The following LRP2 variants were observed in gnomAD, a reference collection of about 807,000 sequenced individuals.
LRP2 encodes low-density lipoprotein receptor-related protein 2.
Under a neutral mutation model 531.0 loss-of-function variants are expected in LRP2, and 172 were observed. The ratio of observed to expected loss-of-function variants is 0.32; its 90% CI spans 0.29 to 0.37. The LOEUF is 0.37. Ranked by LOEUF, LRP2 falls within the 10% of genes least tolerant of loss-of-function variation. The pLI, the probability that LRP2 is intolerant of heterozygous loss-of-function variation, is 1.00. For synonymous variants in LRP2, 1,992 were observed against 2,027.6 expected (o/e 0.98, Z 0.47); for missense variants, 5,167 against 5,868.3 (o/e 0.88, Z 3.90).
At chr2:169,136,094 T>G (rs1685496753) in intron 76 of LRP2, among the ~76,000 whole-genome samples, 4 of 150,436 alleles carry the variant, frequency 2.7e-5, no homozygotes, top group Non-Finnish European at 5.9e-5. Flanking sequence ...GTTTTTCTCC[T>G]TCTCTTATTC....
rs576173267 is a variant in LRP2, at chr2:169,144,373, TCCCCAC to T, written c.12988+1368_12988+1373del. Among the ~76,000 whole-genome samples, 698 of 134,048 alleles carry T rather than the reference TCCCCAC, an allele frequency of 5.2e-3. 6 individuals are homozygous for T. The highest frequency in any genetic ancestry group is 0.017 in the African/African-American group (587 of 35,432). 87.9% of individuals were successfully genotyped at this position (134,048 alleles called of 152,430 possible). ...GGCTGGGCTGGGGCTGTACTCCCCATCCCCACCCCCACCCCCACCCCCACTCCACCA... is the reference window on the plus strand; with the variant it reads ...GGCTGGGCTGGGGCTGTACTCCCCATCCCCACCCCCACCCCCACTCCACCA... On this transcript the variant is annotated intron_variant, in intron 70 of 78. Coordinates refer to ENST00000649046, the MANE Select transcript of LRP2 (RefSeq NM_004525.3).
At chr2:169,243,119 T>A (rs771373643) in intron 23 of LRP2, 47 bp from the exon 24 acceptor site, 1 of 1,413,674 alleles carries the variant, frequency 7.1e-7, no homozygotes, top group South Asian at 1.2e-5. Flanking sequence ...AGGGCTAAAA[T>A]GACTAAACAC....
At chr2:169,237,833 G>A (rs761233314) in intron 27 of LRP2, among the ~76,000 whole-genome samples, 1 of 152,136 alleles carries the variant, frequency 6.6e-6, no homozygotes, top group Non-Finnish European at 1.5e-5. Flanking sequence ...AAAAGGAACC[G>A]TAAAGACATT....
chr2:169,335,582 T>C (rs1685381063), intron 1 of LRP2, among the ~76,000 whole-genome samples: 1 of 151,450 alleles, frequency 6.6e-6, no homozygotes, highest in Non-Finnish European at 1.5e-5. Context: ...TGGGAGGCCA[T>C]AGCAGGAGGA....
Position 169,239,525 on chromosome 2 carries a change from A to G in LRP2, c.4294+2T>C. ...ACTGGCTCGGGTTAGTTCAGCAATT[A>G]CCTGTAACTTTGCAAGTCCTCCCAT... On this transcript the variant is annotated splice_donor_variant, in intron 26 of 78. Coordinates refer to ENST00000649046, the MANE Select transcript of LRP2 (RefSeq NM_004525.3). LOFTEE classifies it high-confidence loss of function. The G allele has an allele frequency of 6.2e-7, 1 of 1,614,050 alleles. No individual in the cohort carries two copies. The highest frequency in any genetic ancestry group is 8.5e-7 in the Non-Finnish European group (1 of 1,179,898).
At chr2:169,296,741 T>C (rs947666048) in intron 4 of LRP2, among the ~76,000 whole-genome samples, 2 of 152,120 alleles carry the variant, frequency 1.3e-5, no homozygotes, top group South Asian at 2.1e-4. Context: ...TTCTTCATCC[T>C]GCTTTTTGAG....
intron 1 of LRP2, among the ~76,000 whole-genome samples, chr2:169,321,611 A>G (rs1415656452): frequency 6.6e-6 from 1 of 152,202 alleles, no homozygotes; most frequent in East Asian, 1.9e-4. Flanking sequence ...TAAATCATAT[A>G]TAGCAAGTTA....
chr2:169,241,519 T>TC (rs1689805478), intron 24 of LRP2, among the ~76,000 whole-genome samples, 154 bp from the exon 25 acceptor site: 1 of 152,180 alleles, frequency 6.6e-6, no homozygotes, highest in African/African-American at 2.4e-5. Context: ...TATAGAGTCT[T>TC]CTCCCACACT....
chr2:169,317,117 G>A lies in LRP2; in HGVS notation c.310+1645C>T, dbSNP rs183046030. Among the ~76,000 whole-genome samples the A allele has an allele frequency of 5.6e-4, 86 of 152,272 alleles. 1 individual carries two copies. In the East Asian group the frequency reaches 0.017, roughly 29 times the overall value. Reference sequence around the variant, plus strand: ...AAATGGGAGAATTGCCTCATGAAATGTATAGTCATTTAAAATGATATGCAA... The same window carrying A: ...AAATGGGAGAATTGCCTCATGAAATATATAGTCATTTAAAATGATATGCAA... On this transcript the variant is annotated intron_variant, in intron 3 of 78. Transcript: ENST00000649046.
In LRP2 at chr2:169,202,672, T is replaced by C. The variant is rs1688241310; in HGVS notation, c.8209+84A>G. ...TGCCTAGGCACACATTTCAAACACA[T>C]TCACACATAGCAGGATTCCATACCA... is the stretch of plus-strand genomic sequence containing the variant. On this transcript the variant is annotated intron_variant, in intron 43 of 78. Transcript: ENST00000649046. The C allele has an allele frequency of 2.2e-6, 3 of 1,392,674 alleles. No homozygotes were observed. In the South Asian group the frequency reaches 3.5e-5, roughly 16 times the overall value. The allele number at this position is 1,392,674 out of a possible 1,614,324, so 86.3% of individuals were successfully genotyped here.
intron 76 of LRP2, among the ~76,000 whole-genome samples, chr2:169,134,376 G>A (rs932751555): frequency 6.6e-6 from 1 of 152,018 alleles, no homozygotes; most frequent in African/African-American, 2.4e-5. Flanking sequence ...AATTACCATT[G>A]TTTCTGGCCC....
At chr2:169,255,591 T>C (rs1458675033) in intron 19 of LRP2, among the ~76,000 whole-genome samples, 1 of 152,178 alleles carries the variant, frequency 6.6e-6, no homozygotes, top group East Asian at 1.9e-4. Flanking sequence ...ACAAAGACGA[T>C]GTCAGTTCTC....
chr2:169,183,927 A>C (rs1047353831), intron 50 of LRP2, among the ~76,000 whole-genome samples: 1 of 152,092 alleles, frequency 6.6e-6, no homozygotes, highest in Non-Finnish European at 1.5e-5. Flanking sequence ...ACTGGGCTCC[A>C]TTCTGCCTTT....
Position 169,128,590 on chromosome 2 carries a change from CT to C in LRP2, c.*72del. On this transcript the variant is annotated 3_prime_UTR_variant, in exon 79 of 79. Transcript: ENST00000649046. ...TTTTTCATAAAGTACTGAATGTTAA[CT>C]TTTTTCATCTGTTTGTAAAAAATAT... is the stretch of plus-strand genomic sequence containing the variant. 1.4e-6 allele frequency: 2 copies of C among 1,471,904 alleles called. No individual in the cohort carries two copies. Among genetic ancestry groups the C allele is most frequent in the Non-Finnish European group, 1.9e-6 (2 of 1,052,806 alleles). The allele number at this position is 1,471,904 out of a possible 1,614,324, so 91.2% of individuals were successfully genotyped here.
intron 1 of LRP2, among the ~76,000 whole-genome samples, chr2:169,328,558 T>C (rs1207558203): frequency 6.6e-6 from 1 of 151,978 alleles, no homozygotes; most frequent in Non-Finnish European, 1.5e-5. Flanking sequence ...GTGATTTATA[T>C]GTTATAAATT....
At chr2:169,140,175 A>C (rs1237626563) in intron 72 of LRP2, among the ~76,000 whole-genome samples, 1 of 152,198 alleles carries the variant, frequency 6.6e-6, no homozygotes, top group African/African-American at 2.4e-5. Context: ...AGTGTGGTCC[A>C]AGACCCTGTG....
intron 68 of LRP2, among the ~76,000 whole-genome samples, chr2:169,149,733 G>A (rs748531775): frequency 2.6e-5 from 4 of 151,988 alleles, no homozygotes; most frequent in Admixed American, 6.6e-5. Context: ...GCTGCCAGGA[G>A]GCTGAGGCAG....
intron 9 of LRP2, among the ~76,000 whole-genome samples, chr2:169,285,134 GT>G (rs1683819131): frequency 1.3e-5 from 2 of 148,198 alleles, no homozygotes; most frequent in South Asian, 4.3e-4. Context: ...TATGGCAAGG[GT>G]TTATGTGTAC....
At chr2:169,150,707 C>T (rs1008694951) in intron 68 of LRP2, among the ~76,000 whole-genome samples, 191 bp downstream of exon 68, 1 of 152,108 alleles carries the variant, frequency 6.6e-6, no homozygotes, top group African/African-American at 2.4e-5. Flanking sequence ...AGGAATTTCC[C>T]CATCAGAAAT....
Sources: gnomAD v4.1 joint callset for allele counts (sites outside exome capture counted in the v4.1 genomes callset) on GRCh38, gnomAD v4.1.1 for gene constraint, MANE v1.5 for transcripts, NCBI Gene and HGNC (gene_info 2026-07-23, HGNC 2026-07-21) for gene names.